SLC35F2: variants seen among roughly 807,000 people sequenced by gnomAD.
SLC35F2 encodes the protein solute carrier family 35 member F2.
In SLC35F2, 25 loss-of-function variants were observed where a neutral mutation model predicts 38.1. The ratio of observed to expected loss-of-function variants is 0.66; its 90% CI spans 0.48 to 0.92. The LOEUF is 0.92. Ranked by LOEUF, SLC35F2 falls within the 40% of genes least tolerant of loss-of-function variation. The pLI is 0.00. For missense variants in SLC35F2, 409 were observed against 452.9 expected, an observed-to-expected ratio of 0.90 and a Z score of 0.88; for synonymous variants, 173 against 181.7, an observed-to-expected ratio of 0.95 and a Z score of 0.38.
Position 107,806,882 on chromosome 11 carries a change from T to A in SLC35F2, c.415-6A>T. ...ATCCCAAAGCAATCCAAAAGCTGCA[T>A]GGAAAGAGAATCAACAGTTTAAAAC... On this transcript the variant is annotated splice_region_variant and splice_polypyrimidine_tract_variant and intron_variant, in intron 3 of 7. Coordinates refer to ENST00000525815, the MANE Select transcript of SLC35F2 (RefSeq NM_017515.5). The A allele has an allele frequency of 3.1e-6, 5 of 1,612,334 alleles. No homozygotes were observed. The highest frequency in any genetic ancestry group is 4.2e-6 in the Non-Finnish European group (5 of 1,178,924).
chr11:107,806,917 A>G (rs766713559), intron 3 of SLC35F2, 41 bp from the exon 4 acceptor site: 42 of 1,582,514 alleles, frequency 2.7e-5, no homozygotes, highest in Non-Finnish European at 3.5e-5. Context: ...CATATCTCTC[A>G]TTAGCTAAAA....
chr11:107,823,007 A>G (rs970214943), intron 1 of SLC35F2: 1 of 205,982 alleles, frequency 4.9e-6, no homozygotes, highest in Non-Finnish European at 8.5e-6. Context: ...TATATATGAG[A>G]CACAATGATG....
At chr11:107,843,868 A>AATATATAT (rs1178673709) in intron 1 of SLC35F2, among the ~76,000 whole-genome samples, 62 of 46,842 alleles carry the variant, frequency 1.3e-3, no homozygotes, top group Non-Finnish European at 1.7e-3. Context: ...AAAAAAAAAA[A>AATATATAT]ATATATATAT....
chr11:107,855,497 A>G (rs1165542090), intron 1 of SLC35F2, among the ~76,000 whole-genome samples: 3 of 152,074 alleles, frequency 2.0e-5, no homozygotes, highest in East Asian at 1.9e-4. Context: ...TACAAAAAAT[A>G]CAAAATTAGC....
intron 3 of SLC35F2, chr11:107,809,802 T>C (rs1400115908): frequency 3.0e-6 from 3 of 984,922 alleles, no homozygotes; most frequent in Admixed American, 6.2e-5. Flanking sequence ...CAATAGAGTA[T>C]AGAAGAGAAA....
intron 7 of SLC35F2, among the ~76,000 whole-genome samples, chr11:107,795,909 G>A (rs1859209884): frequency 6.6e-6 from 1 of 152,196 alleles, no homozygotes; most frequent in Admixed American, 6.5e-5. Context: ...TGAGGCGGGT[G>A]GATCACCTGA....
At chr11:107,854,361 AG>A (rs1166435087) in intron 1 of SLC35F2, among the ~76,000 whole-genome samples, 11 of 152,080 alleles carry the variant, frequency 7.2e-5, no homozygotes, top group Middle Eastern at 3.5e-3. Context: ...TGAGCCACGG[AG>A]GTCGAGGCTG....
intron 1 of SLC35F2, among the ~76,000 whole-genome samples, chr11:107,834,588 T>G (rs1385249768): frequency 6.6e-6 from 1 of 152,084 alleles, no homozygotes; most frequent in Non-Finnish European, 1.5e-5. Flanking sequence ...AGGCGGAGGT[T>G]GCAGTGAGCC....
intron 1 of SLC35F2, among the ~76,000 whole-genome samples, chr11:107,839,965 T>C (rs1379323234): frequency 6.6e-6 from 1 of 152,188 alleles, no homozygotes; most frequent in Non-Finnish European, 1.5e-5. Flanking sequence ...AAACACATTT[T>C]CATATCAGCT....
chr11:107,815,828 A>G lies in SLC35F2; in HGVS notation c.248T>C (p.Leu83Pro), dbSNP rs1477713611. The G allele has an allele frequency of 6.2e-7, 1 of 1,613,734 alleles. No homozygotes were observed. Among genetic ancestry groups the G allele is most frequent in the South Asian group, 1.1e-5 (1 of 90,914 alleles). ...MLQSFINYCL[L>P]FLIYTVMLAF... ...CAGCATCACTGTATAAATTAGGAAC[A>G]GCAAGCAATAATTGATAAAGCTCTG... The change falls in exon 2 of 8, where the codon CTG becomes CCG. Residue 83 changes from leucine (L) to proline (P), a missense_variant. Leu to Pro is a moderately conservative substitution (Grantham distance 98). Coordinates refer to ENST00000525815, the MANE Select transcript of SLC35F2 (RefSeq NM_017515.5).
At chr11:107,842,269 A>AT (rs1860024646) in intron 1 of SLC35F2, among the ~76,000 whole-genome samples, 1 of 148,104 alleles carries the variant, frequency 6.8e-6, no homozygotes, top group Non-Finnish European at 1.5e-5. Context: ...AAAAAAAAAA[A>AT]AAAAAAAAAA....
chr11:107,819,564 C>T lies in SLC35F2; in HGVS notation c.111-3599G>A, dbSNP rs371181907. 1.8e-4 allele frequency among the ~76,000 whole-genome samples: 27 copies of T among 152,282 alleles called. No homozygotes were observed. In the East Asian group the frequency reaches 2.9e-3, roughly 16 times the overall value. ...GAAGGAGTCATGGTTTGCATTGATT[C>T]GGGTCTGAGGCTGCCCTATCCTAGA... On this transcript the variant is annotated intron_variant, in intron 1 of 7. Coordinates refer to ENST00000525815, the MANE Select transcript of SLC35F2 (RefSeq NM_017515.5).
rs552751099 is a variant in SLC35F2 at position 107,798,440 on chromosome 11, C to G, written c.939+4561G>C. ...TTTAAATGTTCAGAAGAAAAACTATCATGTCTCTCTTAAGAAGGCAGGTGA... is the reference window on the plus strand; with the variant it reads ...TTTAAATGTTCAGAAGAAAAACTATGATGTCTCTCTTAAGAAGGCAGGTGA... On this transcript the variant is annotated intron_variant, in intron 7 of 7. Transcript: ENST00000525815. 6.6e-5 allele frequency among the ~76,000 whole-genome samples: 10 copies of G among 152,294 alleles called. No individual in the cohort carries two copies. The South Asian group carries it at 8.3e-4, about 13-fold the overall frequency.
chr11:107,833,374 C>A (rs1476310325), intron 1 of SLC35F2, among the ~76,000 whole-genome samples: 2 of 152,018 alleles, frequency 1.3e-5, no homozygotes, highest in South Asian at 4.2e-4. Context: ...ACAAAATTAG[C>A]CAGGCGTGGT....
At chr11:107,850,074 G>C (rs528255404) in intron 1 of SLC35F2, among the ~76,000 whole-genome samples, 1 of 152,200 alleles carries the variant, frequency 6.6e-6, no homozygotes, top group African/African-American at 2.4e-5. Context: ...TTTCAGAGCA[G>C]CTGATAGGAA....
intron 1 of SLC35F2, among the ~76,000 whole-genome samples, chr11:107,829,281 T>G (rs945790312): frequency 6.6e-6 from 1 of 152,010 alleles, no homozygotes; most frequent in Admixed American, 6.6e-5. Context: ...TAGCCAGGCA[T>G]GGTGGCAGGT....
At chr11:107,820,112 T>C (rs890947677) in intron 1 of SLC35F2, among the ~76,000 whole-genome samples, 1 of 150,942 alleles carries the variant, frequency 6.6e-6, no homozygotes, top group Non-Finnish European at 1.5e-5. Context: ...AAAATTTAGC[T>C]GGGTGTGGTG....
intron 1 of SLC35F2, among the ~76,000 whole-genome samples, chr11:107,826,124 C>T (rs1459903477): frequency 2.0e-5 from 3 of 152,058 alleles, no homozygotes; most frequent in Non-Finnish European, 2.9e-5. Flanking sequence ...TACTACTGTA[C>T]AGCTATAAAA....
intron 7 of SLC35F2, among the ~76,000 whole-genome samples, chr11:107,798,878 C>T (rs1859262534): frequency 6.6e-6 from 1 of 152,158 alleles, no homozygotes; most frequent in South Asian, 2.1e-4. Context: ...GAGTTCGAGA[C>T]CAGCCTGGCC....
Sources: allele counts gnomAD v4.1 joint callset (sites outside exome capture counted in the v4.1 genomes callset), GRCh38; gene constraint gnomAD v4.1.1; transcripts MANE v1.5; gene names NCBI Gene and HGNC (gene_info 2026-07-23, HGNC 2026-07-21).